DUX4: variants seen among roughly 807,000 people sequenced by gnomAD.
DUX4 encodes the protein double homeobox protein 4.
chr4:190,179,562 G>A (rs1742503598), downstream of DUX4, among the ~76,000 whole-genome samples: 14 of 152,156 alleles, frequency 9.2e-5, no homozygotes, highest in South Asian at 2.1e-4. Context: ...GGTGATCAGT[G>A]CAGTGATATG....
chr4:190,176,573 G>A (rs1742311427), downstream of DUX4, among the ~76,000 whole-genome samples: 1 of 114,676 alleles, frequency 8.7e-6, no homozygotes, highest in African/African-American at 2.6e-5. Flanking sequence ...TAGTCATAAA[G>A]CCTCCTGTAG....
rs1429240309 is a variant in DUX4, at chr4:190,183,328, G to A, written n.93-2013G>A. 5.5e-5 allele frequency: 6 copies of A among 108,634 alleles called. 1 individual carries two copies. The highest frequency in any genetic ancestry group is 1.6e-4 in the African/African-American group (6 of 37,804). 6.7% of individuals were successfully genotyped at this position (108,634 alleles called of 1,614,324 possible). ...GGTAGTGTGTTCCTGCTAAATCATG[G>A]ACAAAACGGGTCCCCAGGAGCTACA... is the stretch of plus-strand genomic sequence containing the variant. On this transcript the variant is annotated intron_variant and non_coding_transcript_variant, in intron 1 of 2. Transcript: ENST00000563716.
At chr4:190,178,492 C>A (rs1742428599), downstream of DUX4, among the ~76,000 whole-genome samples, 1,021 of 117,646 alleles carry the variant, frequency 8.7e-3, no homozygotes, top group East Asian at 0.013. Context: ...TTCACAATAC[C>A]CCCTGTAGGC....
intron 1 of DUX4, chr4:190,182,310 T>C (rs1181593530): frequency 8.9e-6 from 1 of 112,606 alleles, no homozygotes; most frequent in Non-Finnish European, 2.1e-5. Flanking sequence ...AGGGTTAGGC[T>C]TAGGCTTAGG....
chr4:190,179,782 T>TTCCTCTGTAG (rs1742511305), downstream of DUX4, among the ~76,000 whole-genome samples: 1 of 135,950 alleles, frequency 7.4e-6, no homozygotes, highest in South Asian at 2.2e-4. Flanking sequence ...TATGTCAAAA[T>TTCCTCTGTAG]GCCCCTGTAG....
At chr4:190,181,307 TAAAGA>T (rs1742563678) in intron 1 of DUX4, among the ~76,000 whole-genome samples, 1 of 18,964 alleles carries the variant, frequency 5.3e-5, no homozygotes. Flanking sequence ...AGGCAGAGCC[TAAAGA>T]AGAGTCCCAT....
chr4:190,178,244 T>A (rs1742412622), downstream of DUX4, among the ~76,000 whole-genome samples: 53 of 150,700 alleles, frequency 3.5e-4, no homozygotes, highest in East Asian at 9.8e-4. Flanking sequence ...TAGAGAAGAG[T>A]TGCATCACCT....
At chr4:190,177,347 G>A (rs1431934350), downstream of DUX4, among the ~76,000 whole-genome samples, 552 of 15,746 alleles carry the variant, frequency 0.035, 6 homozygotes, top group Admixed American at 0.053. Flanking sequence ...GCAGAGCCTA[G>A]ACAAGAGTTA....
chr4:190,181,591 A>ACC (rs1742584581), intron 1 of DUX4, among the ~76,000 whole-genome samples: 2 of 37,072 alleles, frequency 5.4e-5, no homozygotes, highest in Non-Finnish European at 9.8e-5. Context: ...GTCAAGCGTT[A>ACC]CATCACCTGG....
chr4:190,176,596 C>G (rs1742312577), downstream of DUX4, among the ~76,000 whole-genome samples: 4 of 112,250 alleles, frequency 3.6e-5, 1 homozygote, highest in East Asian at 9.5e-4. Flanking sequence ...AGAACGTAGA[C>G]AAGAGTTCCC....
At chr4:190,176,080 G>C (rs1464919288), downstream of DUX4, among the ~76,000 whole-genome samples, 541 of 110,354 alleles carry the variant, frequency 4.9e-3, 86 homozygotes, top group African/African-American at 0.012. Flanking sequence ...GATCAGTGCA[G>C]GGATAAGTCA....
downstream of DUX4, among the ~76,000 whole-genome samples, chr4:190,178,534 G>A (rs1742431030): frequency 1.5e-3 from 221 of 148,870 alleles, no homozygotes; most frequent in East Asian, 6.2e-3. Context: ...TCACCTGGGT[G>A]ATCAGTGCAG....
rs1199189865 is a variant in DUX4 at position 190,175,252 on chromosome 4, C to A, written c.*204C>A. On this transcript the variant is annotated 3_prime_UTR_variant, in exon 1 of 2. Coordinates refer to ENST00000565211, the MANE Select transcript of DUX4 (RefSeq NM_001306068.3). ...AACTGCCTTTCTTTCCTGGGCATCC[C>A]GGGGATCCCAGAGCCGGCCCAGGTA... The A allele has an allele frequency of 3.0e-4, 28 of 92,058 alleles. No homozygotes were observed. The highest frequency in any genetic ancestry group is 1.2e-3 in the African/African-American group (25 of 21,348). 5.7% of individuals were successfully genotyped at this position (92,058 alleles called of 1,614,324 possible).
At chr4:190,177,407 CGAGT>C (rs1742365510), downstream of DUX4, among the ~76,000 whole-genome samples, 50 of 13,936 alleles carry the variant, frequency 3.6e-3, no homozygotes, top group Admixed American at 7.6e-3. Context: ...CCCTGTAGGT[CGAGT>C]CTAGACAAGA....
chr4:190,183,189 A>G (rs1453822728), intron 1 of DUX4: 2 of 93,030 alleles, frequency 2.1e-5, no homozygotes, highest in African/African-American at 5.7e-5. Flanking sequence ...TCACATTATT[A>G]CTAATAATAA....
downstream of DUX4, among the ~76,000 whole-genome samples, chr4:190,177,449 A>T (rs1579832811): frequency 8.7e-5 from 13 of 149,890 alleles, no homozygotes; most frequent in East Asian, 4.1e-4. Context: ...ATCAGTGCAA[A>T]GATATGTCAC....
intron 1 of DUX4, chr4:190,183,125 A>T (rs1221125987): frequency 4.6e-5 from 2 of 43,272 alleles, no homozygotes; most frequent in African/African-American, 8.2e-5. Flanking sequence ...TTTTAGGGTT[A>T]AGGTTAGGGT....
intron 1 of DUX4, among the ~76,000 whole-genome samples, chr4:190,181,290 C>CACAA (rs1742561805): frequency 3.7e-5 from 4 of 108,740 alleles, no homozygotes; most frequent in African/African-American, 1.5e-4. Context: ...GTGACAATGC[C>CACAA]GCCAGTAGGC....
downstream of DUX4, among the ~76,000 whole-genome samples, chr4:190,177,877 T>TTTTG (rs1742392829): frequency 2.5e-4 from 2 of 7,910 alleles, no homozygotes; most frequent in African/African-American, 6.4e-4. Flanking sequence ...ACAATGTCCC[T>TTTTG]GTAGCCATAT....
Sources: gnomAD v4.1 joint callset for allele counts (sites outside exome capture counted in the v4.1 genomes callset) on GRCh38, gnomAD v4.1.1 for gene constraint, MANE v1.5 for transcripts, NCBI Gene and HGNC (gene_info 2026-07-23, HGNC 2026-07-21) for gene names.